The following ZNF670 variants were observed in gnomAD, a reference collection of about 807,000 sequenced individuals.
ZNF670 encodes the protein zinc finger protein 670.
Under a neutral mutation model 10.9 loss-of-function variants are expected in ZNF670, and 7 were observed. The observed-to-expected ratio is 0.64, with a 90% CI of 0.36 to 1.20. ZNF670 has a LOEUF of 1.20. Among genes scored for constraint, ZNF670 ranks in the 50% most tolerant of loss-of-function variants. The pLI, the probability that ZNF670 is intolerant of heterozygous loss-of-function variation, is 0.02. For synonymous variants in ZNF670, 136 were observed against 152.7 expected, an observed-to-expected ratio of 0.89 and a Z score of 0.81; for missense variants, 446 against 458.6, an observed-to-expected ratio of 0.97 and a Z score of 0.25.
chr1:247,078,492 G>A (rs1671307968), intron 1 of ZNF670, 102 bp downstream of exon 1: 1 of 1,472,808 alleles, frequency 6.8e-7, no homozygotes, highest in Non-Finnish European at 9.3e-7. Context: ...CGAGGCGCCG[G>A]CGGAAACTCG....
chr1:247,072,341 G>C (rs1191238942), intron 1 of ZNF670, among the ~76,000 whole-genome samples: 1 of 147,692 alleles, frequency 6.8e-6, no homozygotes, highest in Non-Finnish European at 1.5e-5. Flanking sequence ...TTAAAGTTCA[G>C]GCAGGGTCTC....
At chr1:247,049,969 C>T (rs539669510) in intron 1 of ZNF670, among the ~76,000 whole-genome samples, 10 of 152,230 alleles carry the variant, frequency 6.6e-5, no homozygotes, top group African/African-American at 2.4e-4. Context: ...AAGAATGTTC[C>T]ATGTGCTGAT....
At chr1:247,039,893 ATTAAGTC>A (rs1278130186) in intron 1 of ZNF670, among the ~76,000 whole-genome samples, 3 of 152,246 alleles carry the variant, frequency 2.0e-5, no homozygotes, top group African/African-American at 7.2e-5. Context: ...AACAGTTAGT[ATTAAGTC>A]TTAAGACTAC....
rs551519797 is a variant in ZNF670 at position 247,035,121 on chromosome 1, AG to A, written c.*2327del. Among the ~76,000 whole-genome samples the A allele has an allele frequency of 4.5e-4, 69 of 152,368 alleles. 1 individual carries two copies. In the Middle Eastern group the frequency reaches 0.024, roughly 53 times the overall value. On this transcript the variant is annotated 3_prime_UTR_variant, in exon 4 of 4. Coordinates refer to ENST00000366503, the MANE Select transcript of ZNF670 (RefSeq NM_033213.5). ...CTTCTGTTATATTATGGAACCAGTT[AG>A]ACAAAAGCAGGTAGTTAAAGCTGAA... is the stretch of plus-strand genomic sequence containing the variant.
At chr1:247,045,470 CCT>C (rs1384297770) in intron 1 of ZNF670, among the ~76,000 whole-genome samples, 1 of 152,140 alleles carries the variant, frequency 6.6e-6, no homozygotes, top group African/African-American at 2.4e-5. Context: ...CCTTCCTCCT[CCT>C]CTCTCTGACT....
At chr1:247,065,001 G>C (rs1670949414) in intron 1 of ZNF670, among the ~76,000 whole-genome samples, 1 of 152,116 alleles carries the variant, frequency 6.6e-6, no homozygotes, top group African/African-American at 2.4e-5. Context: ...TAGAGACGGG[G>C]TTTTACCATG....
intron 1 of ZNF670, among the ~76,000 whole-genome samples, chr1:247,053,549 T>C (rs548848211): frequency 6.6e-6 from 1 of 152,236 alleles, no homozygotes; most frequent in Non-Finnish European, 1.5e-5. Context: ...GGCAGGAGAA[T>C]GGCGTGAACC....
chr1:247,078,672 C>A lies in ZNF670; in HGVS notation c.-76G>T. ...CAGGTCCCAGAGCAACAGAAGCTGC[C>A]GCGGGACCACTTGGACCTCCCAGGG... On this transcript the variant is annotated 5_prime_UTR_variant, in exon 1 of 4. Transcript: ENST00000366503. 3 of 1,549,564 alleles carry A rather than the reference C, an allele frequency of 1.9e-6. No individual in the cohort carries two copies. Among genetic ancestry groups the A allele is most frequent in the Non-Finnish European group, 2.7e-6 (3 of 1,126,462 alleles).
At chr1:247,065,873 T>A (rs927532292) in intron 1 of ZNF670, among the ~76,000 whole-genome samples, 7 of 152,224 alleles carry the variant, frequency 4.6e-5, no homozygotes, top group African/African-American at 1.7e-4. Context: ...CAAATGTGAA[T>A]TTATCTGTAA....
At chr1:247,075,127 C>T (rs996525910) in intron 1 of ZNF670, among the ~76,000 whole-genome samples, 4 of 152,150 alleles carry the variant, frequency 2.6e-5, no homozygotes, top group African/African-American at 9.7e-5. Flanking sequence ...AATACCTCAA[C>T]TGGAAAAGCC....
At chr1:247,048,485 C>G (rs897773359) in intron 1 of ZNF670, among the ~76,000 whole-genome samples, 2 of 152,198 alleles carry the variant, frequency 1.3e-5, no homozygotes, top group Non-Finnish European at 2.9e-5. Flanking sequence ...CTTCCTGTCT[C>G]CTTCTGAGCC....
intron 1 of ZNF670, among the ~76,000 whole-genome samples, chr1:247,060,064 A>G (rs1204110422): frequency 6.6e-6 from 1 of 152,206 alleles, no homozygotes; most frequent in Non-Finnish European, 1.5e-5. Flanking sequence ...CCCAATTTGA[A>G]TAACAAATTC....
In ZNF670 at chr1:247,038,080, A is replaced by G; in HGVS notation, c.539T>C (p.Phe180Ser). 6.2e-7 allele frequency: 1 copy of G among 1,614,206 alleles called. No individual in the cohort carries two copies. Among genetic ancestry groups the G allele is most frequent in the Non-Finnish European group, 8.5e-7 (1 of 1,180,012 alleles). ...KGPVYEKPFD[F>S]PSVFQMPQST... The stretch of plus-strand genomic sequence containing the variant: ...CTGAGGCATTTGAAATACACTAGGA[A>G]AATCAAAAGGCTTCTCATACACTGG... The change falls in exon 4 of 4, where the codon TTT becomes TCT. Residue 180 changes from phenylalanine to serine, a missense_variant. Phe to Ser is a radical substitution (Grantham distance 155, BLOSUM62 -2). Coordinates refer to ENST00000366503, the MANE Select transcript of ZNF670 (RefSeq NM_033213.5).
intron 1 of ZNF670, among the ~76,000 whole-genome samples, chr1:247,046,579 G>A (rs1670454453): frequency 6.6e-6 from 1 of 152,204 alleles, no homozygotes; most frequent in Admixed American, 6.5e-5. Context: ...AATTTCAGAT[G>A]TATCAGGAAT....
intron 1 of ZNF670, among the ~76,000 whole-genome samples, chr1:247,070,470 C>CAAAA (rs1671089026): frequency 6.6e-6 from 1 of 150,792 alleles, no homozygotes; most frequent in Admixed American, 6.6e-5. Flanking sequence ...GACTCCGTCT[C>CAAAA]AAAACAAACA....
At chr1:247,046,309 C>T (rs1455858432) in intron 1 of ZNF670, among the ~76,000 whole-genome samples, 2 of 152,126 alleles carry the variant, frequency 1.3e-5, no homozygotes, top group African/African-American at 4.8e-5. Flanking sequence ...TGTGGCAGCC[C>T]CTCTCACCAC....
intron 1 of ZNF670, among the ~76,000 whole-genome samples, chr1:247,075,797 C>G (rs1671238241): frequency 6.6e-6 from 1 of 152,140 alleles, no homozygotes; most frequent in South Asian, 2.1e-4. Flanking sequence ...TTATCAGCAG[C>G]ATGAAAACAA....
rs769174733 is a variant in ZNF670 at position 247,037,860 on chromosome 1, A to C, written c.759T>G (p.Tyr253Ter). 1 of 1,613,534 alleles carries C rather than the reference A, an allele frequency of 6.2e-7. No individual in the cohort carries two copies. Among genetic ancestry groups the C allele is most frequent in the Admixed American group, 1.7e-5 (1 of 59,926 alleles). The change falls in exon 4 of 4, where the codon TAT (tyrosine) becomes TAG (stop). Residue 253 changes from tyrosine to a stop codon, truncating the protein, a stop_gained. Transcript: ENST00000366503. LOFTEE classifies it low-confidence loss of function (END_TRUNC). ...AGGCTTTGCCACATTCCTTACATTCATAGGGTTTCTCTCCAGTATGAGATC... is the reference window on the plus strand; with the variant it reads ...AGGCTTTGCCACATTCCTTACATTCCTAGGGTTTCTCTCCAGTATGAGATC... ...HERSHTGEKP[Y>*]ECKECGKAFS... is the part of the protein sequence containing the mutation.
chr1:247,049,330 T>A (rs1348697449), intron 1 of ZNF670, among the ~76,000 whole-genome samples: 1 of 152,122 alleles, frequency 6.6e-6, no homozygotes, highest in Admixed American at 6.6e-5. Flanking sequence ...CTTCCCAAAG[T>A]GCTGGGATTA....
Sources: allele counts gnomAD v4.1 joint callset (sites outside exome capture counted in the v4.1 genomes callset), GRCh38; gene constraint gnomAD v4.1.1; transcripts MANE v1.5; gene names NCBI Gene and HGNC (gene_info 2026-07-23, HGNC 2026-07-21).